The following SLC39A8 variants were observed in gnomAD, a reference collection of about 807,000 sequenced individuals.
The protein encoded by SLC39A8 is metal cation symporter ZIP8.
In SLC39A8, 15 loss-of-function variants were observed where a neutral mutation model predicts 40.4. The ratio of observed to expected loss-of-function variants is 0.37; its 90% CI spans 0.25 to 0.57. The LOEUF is 0.57. Ranked by LOEUF, SLC39A8 falls within the 20% of genes least tolerant of loss-of-function variation. The pLI, the probability that SLC39A8 is intolerant of heterozygous loss-of-function variation, is 0.75. For missense variants in SLC39A8, 472 were observed against 558.8 expected (o/e 0.84, Z 1.57); for synonymous variants, 223 against 221.6 (o/e 1.01, Z -0.06).
chr4:102,318,789 A>C (rs758612118), intron 2 of SLC39A8, among the ~76,000 whole-genome samples: 11 of 152,204 alleles, frequency 7.2e-5, no homozygotes, highest in Middle Eastern at 3.2e-3. Context: ...ACGGAATGCT[A>C]TCTGCCTTAA....
chr4:102,266,752 C>T (rs753681441), intron 8 of SLC39A8, among the ~76,000 whole-genome samples: 5 of 152,044 alleles, frequency 3.3e-5, no homozygotes, highest in Non-Finnish European at 7.4e-5. Flanking sequence ...GGATTACAGG[C>T]GCCCGCCACC....
chr4:102,284,993 AACGTTTCTGACTTTTATCC>A (rs199970304), intron 6 of SLC39A8, among the ~76,000 whole-genome samples: 1 of 152,138 alleles, frequency 6.6e-6, no homozygotes, highest in East Asian at 1.9e-4. Flanking sequence ...TCTGCTGCTA[AACGTTTCTGACTTTTATCC>A]ACTTTCACTA....
intron 2 of SLC39A8, among the ~76,000 whole-genome samples, chr4:102,334,417 GTTAA>G (rs754462521): frequency 6.6e-6 from 1 of 152,154 alleles, no homozygotes; most frequent in Non-Finnish European, 1.5e-5. Flanking sequence ...AGTATCAAAT[GTTAA>G]TTGTCAGGAA....
Position 102,315,734 on chromosome 4 carries a change from G to C in SLC39A8, c.316C>G (p.Gln106Glu). The C allele has an allele frequency of 2.5e-6, 4 of 1,613,370 alleles. No homozygotes were observed. Among genetic ancestry groups the C allele is most frequent in the Non-Finnish European group, 3.4e-6 (4 of 1,179,554 alleles). ...TCACATGGGTGAAAGTTCAATTGCTGTAAGACTGCTGGACAGATGACAGAG... is the reference window on the plus strand; with the variant it reads ...TCACATGGGTGAAAGTTCAATTGCTCTAAGACTGCTGGACAGATGACAGAG... ...KFSVICPAVL[Q>E]QLNFHPCEDR... Residue 106 changes from glutamine to glutamate, a missense_variant, in exon 3 of 9, where the codon CAG becomes GAG. Around this residue, in one of 4 missense-constraint regions of SLC39A8, gnomAD observed 175 missense variants for 160.5 expected, o/e 1.09. Coordinates refer to ENST00000356736, the MANE Select transcript of SLC39A8 (RefSeq NM_001135146.2).
chr4:102,320,784 G>GAA (rs963843051), intron 2 of SLC39A8, among the ~76,000 whole-genome samples: 4 of 141,474 alleles, frequency 2.8e-5, no homozygotes, highest in Non-Finnish European at 4.6e-5. Flanking sequence ...ATATATATGA[G>GAA]AAAAAATATA....
chr4:102,283,147 G>T (rs889051869), intron 6 of SLC39A8, among the ~76,000 whole-genome samples: 3 of 151,300 alleles, frequency 2.0e-5, no homozygotes, highest in Non-Finnish European at 4.4e-5. Flanking sequence ...AATGAAAGCA[G>T]ATAACCTGTT....
intron 8 of SLC39A8, among the ~76,000 whole-genome samples, chr4:102,266,087 A>ATT (rs1732084173): frequency 6.6e-6 from 1 of 151,992 alleles, no homozygotes; most frequent in African/African-American, 2.4e-5. Context: ...ATTTCATAGC[A>ATT]TTTTTTATTA....
At chr4:102,278,494 T>C (rs1732722191) in intron 6 of SLC39A8, among the ~76,000 whole-genome samples, 1 of 152,202 alleles carries the variant, frequency 6.6e-6, no homozygotes, top group South Asian at 2.1e-4. Context: ...AAACAACAGA[T>C]GCTGGCAAGG....
At chr4:102,276,927 A>G (rs1268416191) in intron 6 of SLC39A8, among the ~76,000 whole-genome samples, 1 of 152,230 alleles carries the variant, frequency 6.6e-6, no homozygotes, top group Non-Finnish European at 1.5e-5. Flanking sequence ...GGCCTTCAAT[A>G]AAATTCAACA....
chr4:102,321,790 C>A (rs1734978031), intron 2 of SLC39A8, among the ~76,000 whole-genome samples: 1 of 152,122 alleles, frequency 6.6e-6, no homozygotes, highest in African/African-American at 2.4e-5. Flanking sequence ...AAGGTAGAGA[C>A]CAGAGACAAG....
At chr4:102,327,460 T>C (rs1437752143) in intron 2 of SLC39A8, among the ~76,000 whole-genome samples, 2 of 152,208 alleles carry the variant, frequency 1.3e-5, no homozygotes, top group Non-Finnish European at 2.9e-5. Context: ...TAGAATATGA[T>C]ACATCTCCTC....
At chr4:102,273,106 C>G (rs1409349956) in intron 6 of SLC39A8, among the ~76,000 whole-genome samples, 1 of 152,270 alleles carries the variant, frequency 6.6e-6, no homozygotes, top group East Asian at 1.9e-4. Context: ...ATCATTCACT[C>G]CCCTGGAAAG....
intron 2 of SLC39A8, among the ~76,000 whole-genome samples, chr4:102,317,419 T>C (rs1734711559): frequency 6.6e-6 from 1 of 152,130 alleles, no homozygotes; most frequent in Non-Finnish European, 1.5e-5. Context: ...TGATTAATGA[T>C]AGCTGCATGC....
At chr4:102,342,017 T>G (rs1328110628) in intron 2 of SLC39A8, among the ~76,000 whole-genome samples, 3 of 152,186 alleles carry the variant, frequency 2.0e-5, no homozygotes, top group African/African-American at 7.2e-5. Flanking sequence ...GAAACTGAAG[T>G]TGTATTCCTC....
rs528553373 is a variant in SLC39A8, at chr4:102,254,085, A to C, written c.*299-655T>G. The stretch of plus-strand genomic sequence containing the variant: ...AGAGAAGAGGTCTGATCAGAAATGA[A>C]TTCGACGTTATTCATTAAACCCAAG... On this transcript the variant is annotated intron_variant and NMD_transcript_variant, in intron 11 of 11. Transcript: ENST00000424970. Among the ~76,000 whole-genome samples, 11 of 152,330 alleles carry C rather than the reference A, an allele frequency of 7.2e-5. No homozygotes were observed. The South Asian group carries it at 8.3e-4, about 11-fold the overall frequency.
At chr4:102,312,208 T>C (rs1734463538) in intron 3 of SLC39A8, among the ~76,000 whole-genome samples, 1 of 152,082 alleles carries the variant, frequency 6.6e-6, no homozygotes, top group Non-Finnish European at 1.5e-5. Context: ...ACATCTTAGA[T>C]GAGTAGTAAC....
At chr4:102,325,343 T>C (rs1212999984) in intron 2 of SLC39A8, among the ~76,000 whole-genome samples, 1 of 152,148 alleles carries the variant, frequency 6.6e-6, no homozygotes, top group Non-Finnish European at 1.5e-5. Context: ...CACTTCTTAC[T>C]GAAGTCACTC....
Position 102,344,731 on chromosome 4 carries a change from G to A in SLC39A8, c.-69C>T. The A allele has an allele frequency of 7.3e-7, 1 of 1,369,722 alleles. No individual in the cohort carries two copies. The highest frequency in any genetic ancestry group is 9.3e-7 in the Non-Finnish European group (1 of 1,069,670). 84.8% of individuals were successfully genotyped at this position (1,369,722 alleles called of 1,614,324 possible). On this transcript the variant is annotated 5_prime_UTR_variant, in exon 2 of 9. Transcript: ENST00000356736. ...GCAGAGGGACGCGCGCGGGCGCACT[G>A]GCGTCCTTGCCCAAGGGCGGGAGCG...
rs536972186 is a variant in SLC39A8, at chr4:102,310,285, C to T, written c.383-2680G>A. 5.3e-5 allele frequency among the ~76,000 whole-genome samples: 8 copies of T among 152,194 alleles called. No individual in the cohort carries two copies. In the South Asian group the frequency reaches 1.5e-3, roughly 28 times the overall value. On this transcript the variant is annotated intron_variant, in intron 3 of 8. Coordinates refer to ENST00000356736, the MANE Select transcript of SLC39A8 (RefSeq NM_001135146.2). Reference sequence around the variant, plus strand: ...CTTCCCTGCTCTCCAGGCAGTACTCCCTGGCTGGTCAGGATTCCCATTACT... The same window carrying T: ...CTTCCCTGCTCTCCAGGCAGTACTCTCTGGCTGGTCAGGATTCCCATTACT...
Sources: gnomAD v4.1 joint callset for allele counts (sites outside exome capture counted in the v4.1 genomes callset) on GRCh38, gnomAD v4.1.1 for gene constraint, gnomAD v4.1.1 regional missense constraint, MANE v1.5 for transcripts, NCBI Gene and HGNC (gene_info 2026-07-23, HGNC 2026-07-21) for gene names.